The following ZHX3 variants were observed in gnomAD, a reference collection of about 807,000 sequenced individuals.
ZHX3 encodes the protein zinc fingers and homeoboxes protein 3.
ZHX3 carries 20 observed loss-of-function variants against 64.5 expected under a neutral mutation model. The observed-to-expected ratio is 0.31, with a 90% CI of 0.22 to 0.45. ZHX3 has a LOEUF of 0.45. Among genes scored for constraint, ZHX3 ranks in the 20% least tolerant of loss-of-function variants. ZHX3 has a pLI of 1.00. For synonymous variants in ZHX3, 423 were observed against 461.6 expected, an observed-to-expected ratio of 0.92 and a Z score of 1.07; for missense variants, 1,041 against 1,195.8, an observed-to-expected ratio of 0.87 and a Z score of 1.91.
Position 41,258,598 on chromosome 20 carries a change from C to T in ZHX3, c.-151+10392G>A, listed in dbSNP as rs563179856. 8.5e-5 allele frequency among the ~76,000 whole-genome samples: 13 copies of T among 152,182 alleles called. No homozygotes were observed. In the South Asian group the frequency reaches 2.7e-3, roughly 32 times the overall value. Reference sequence around the variant, plus strand: ...TTGATTCGGGTTTGCCTGATGTTTTCTCATGATTACTCTGAGGTTATGCAT... The same window carrying T: ...TTGATTCGGGTTTGCCTGATGTTTTTTCATGATTACTCTGAGGTTATGCAT... On this transcript the variant is annotated intron_variant, in intron 2 of 3. Coordinates refer to ENST00000683867, the MANE Select transcript of ZHX3 (RefSeq NM_001384317.1).
chr20:41,235,507 C>A (rs1380624450), intron 2 of ZHX3, among the ~76,000 whole-genome samples: 8 of 152,084 alleles, frequency 5.3e-5, no homozygotes, highest in Non-Finnish European at 1.2e-4. Context: ...ATAAACAGAA[C>A]CAAAGACAAA....
intron 2 of ZHX3, among the ~76,000 whole-genome samples, chr20:41,262,245 C>T (rs2042600225): frequency 6.6e-6 from 1 of 152,190 alleles, no homozygotes; most frequent in South Asian, 2.1e-4. Flanking sequence ...GAATTATCTT[C>T]CTAAAAAATG....
intron 3 of ZHX3, among the ~76,000 whole-genome samples, chr20:41,186,954 C>T (rs1461028218): frequency 3.9e-5 from 6 of 152,244 alleles, no homozygotes; most frequent in East Asian, 3.9e-4. Context: ...CTTTGAAACA[C>T]AAAAGTTTTA....
intron 2 of ZHX3, among the ~76,000 whole-genome samples, chr20:41,234,691 C>T (rs2040847049): frequency 1.3e-5 from 2 of 152,268 alleles, no homozygotes; most frequent in African/African-American, 4.8e-5. Flanking sequence ...TGCTTGAATA[C>T]AGCCCTTTGG....
chr20:41,271,985 T>C (rs1197783078), intron 1 of ZHX3: 1 of 152,178 alleles, frequency 6.6e-6, no homozygotes, highest in African/African-American at 2.4e-5. Context: ...TCTTTTACAA[T>C]TCCTTTAAAT....
At chr20:41,270,402 A>G (rs917291314) in intron 1 of ZHX3, among the ~76,000 whole-genome samples, 5 of 146,718 alleles carry the variant, frequency 3.4e-5, no homozygotes, top group Non-Finnish European at 6.0e-5. Context: ...AAGGCCGGGC[A>G]CGGTGGCTCA....
At chr20:41,289,480 T>G (rs904133709) in intron 1 of ZHX3, among the ~76,000 whole-genome samples, 4 of 152,210 alleles carry the variant, frequency 2.6e-5, no homozygotes, top group African/African-American at 9.7e-5. Context: ...CAAATTTGAA[T>G]TTAAAGTGCT....
chr20:41,266,933 C>T (rs1205644958), intron 2 of ZHX3, among the ~76,000 whole-genome samples: 1 of 150,452 alleles, frequency 6.6e-6, no homozygotes, highest in African/African-American at 2.4e-5. Flanking sequence ...CAACCTCCGC[C>T]TCCCGGGTTC....
intron 2 of ZHX3, among the ~76,000 whole-genome samples, chr20:41,238,333 G>A (rs550024454): frequency 6.6e-6 from 1 of 152,020 alleles, no homozygotes; most frequent in Non-Finnish European, 1.5e-5. Flanking sequence ...CAGAGTTTGA[G>A]TAACAAGACT....
At chr20:41,239,082 A>C (rs570597999) in intron 2 of ZHX3, among the ~76,000 whole-genome samples, 1 of 139,788 alleles carries the variant, frequency 7.2e-6, no homozygotes, top group East Asian at 2.1e-4. Flanking sequence ...GGCTCACTGC[A>C]AGCTCCGCCT....
At chr20:41,306,713 T>C (rs2044990570) in intron 1 of ZHX3, among the ~76,000 whole-genome samples, 1 of 152,244 alleles carries the variant, frequency 6.6e-6, no homozygotes, top group Non-Finnish European at 1.5e-5. Flanking sequence ...TTTTAAATGG[T>C]ATTGTCATTA....
chr20:41,262,613 T>G (rs1200571549), intron 2 of ZHX3, among the ~76,000 whole-genome samples: 2 of 152,220 alleles, frequency 1.3e-5, no homozygotes, highest in Admixed American at 1.3e-4. Context: ...GTTGGCTGAT[T>G]TGCACATCAT....
intron 2 of ZHX3, among the ~76,000 whole-genome samples, chr20:41,266,844 CTTT>C (rs11327834): frequency 1.3e-5 from 1 of 76,462 alleles, no homozygotes; most frequent in African/African-American, 4.1e-5. Context: ...CGTGCCCGGC[CTTT>C]TTTTTTTTTT....
At chr20:41,263,254 G>A (rs945711878) in intron 2 of ZHX3, among the ~76,000 whole-genome samples, 1 of 152,108 alleles carries the variant, frequency 6.6e-6, no homozygotes, top group Admixed American at 6.5e-5. Flanking sequence ...GTTGGAAAAT[G>A]TAACAAAATC....
rs938394289 is a variant in ZHX3 at position 41,226,339 on chromosome 20, G to C, written c.-150-21273C>G. ...CCACTGAACTCCAGCCTGGGTGACA[G>C]GGCAATACTCTATTTCAAAAACAAA... On this transcript the variant is annotated intron_variant, in intron 2 of 3. Transcript: ENST00000683867. This position sits in a 1 kb window ranked among gnomAD's most constrained non-coding sequence, Gnocchi z 4.4. 2.0e-5 allele frequency among the ~76,000 whole-genome samples: 3 copies of C among 152,018 alleles called. No homozygotes were observed. The highest frequency in any genetic ancestry group is 6.5e-5 in the Admixed American group (1 of 15,278).
chr20:41,308,743 G>A (rs926576605), intron 1 of ZHX3, among the ~76,000 whole-genome samples: 3 of 152,144 alleles, frequency 2.0e-5, no homozygotes, highest in Non-Finnish European at 2.9e-5. Context: ...GGAGAATGGG[G>A]CAGTAAGGCT....
intron 1 of ZHX3, among the ~76,000 whole-genome samples, chr20:41,281,185 C>T (rs1360099395): frequency 1.3e-5 from 2 of 152,138 alleles, no homozygotes; most frequent in African/African-American, 4.8e-5. Context: ...GAAGCAATTT[C>T]TACAAAGTTT....
At chr20:41,289,389 C>A (rs534736582) in intron 1 of ZHX3, among the ~76,000 whole-genome samples, 8 of 152,224 alleles carry the variant, frequency 5.3e-5, no homozygotes, top group African/African-American at 1.9e-4. Context: ...TGTAACTATG[C>A]CTCCCATTTC....
At chr20:41,308,731 A>C (rs1422617770) in intron 1 of ZHX3, among the ~76,000 whole-genome samples, 1 of 152,186 alleles carries the variant, frequency 6.6e-6, no homozygotes, top group Non-Finnish European at 1.5e-5. Context: ...CAGGGAAAAT[A>C]GGGAGAATGG....
Sources: gnomAD v4.1 joint callset for allele counts (sites outside exome capture counted in the v4.1 genomes callset) on GRCh38, gnomAD v4.1.1 for gene constraint, Gnocchi (gnomAD v3.1) non-coding constraint, MANE v1.5 for transcripts, NCBI Gene and HGNC (gene_info 2026-07-23, HGNC 2026-07-21) for gene names.